Variants in RNF19A observed in about 807,000 individuals in gnomAD.
RNF19A encodes the protein E3 ubiquitin-protein ligase RNF19A.
RNF19A carries 32 observed loss-of-function variants against 75.7 expected under a neutral mutation model. The observed-to-expected ratio is 0.42, with a 90% CI of 0.32 to 0.57. The LOEUF (loss-of-function observed/expected upper bound fraction) is 0.57. Among genes scored for constraint, RNF19A ranks in the 20% least tolerant of loss-of-function variants. RNF19A has a pLI of 0.10. For synonymous variants in RNF19A, 335 were observed against 345.2 expected (o/e 0.97, Z 0.33); for missense variants, 782 against 1,036.3 (o/e 0.75, Z 3.37).
chr8:100,329,931 CA>C lies in RNF19A; in HGVS notation c.-243+6176del, dbSNP rs1306833597. ...ACAAATGAAAAATTTAAATACTTTC[CA>C]AAATCATGAACTATCTATTACTGAA... On this transcript the variant is annotated intron_variant, in intron 1 of 3. Transcript: ENST00000519527. The surrounding 1 kb of genome is among the most constrained non-coding windows in gnomAD (Gnocchi z 4.3). 5.9e-5 allele frequency among the ~76,000 whole-genome samples: 9 copies of C among 152,128 alleles called. No individual in the cohort carries two copies. Among genetic ancestry groups the C allele is most frequent in the African/African-American group, 1.4e-4 (6 of 41,412 alleles).
Position 100,264,594 on chromosome 8 carries a change from CAATT to C in RNF19A, c.1306+73_1306+76del. 1 of 955,910 alleles carries C rather than the reference CAATT, an allele frequency of 1.0e-6. No individual in the cohort carries two copies. Among genetic ancestry groups the C allele is most frequent in the South Asian group, 1.5e-5 (1 of 68,242 alleles). 59.2% of individuals were successfully genotyped at this position (955,910 alleles called of 1,614,324 possible). A position where few individuals can be genotyped will look rare whatever the true frequency, so the allele number is the denominator to read the frequency against. On this transcript the variant is annotated intron_variant, in intron 6 of 9. Transcript: ENST00000341084. This position sits in a 1 kb window ranked among gnomAD's most constrained non-coding sequence, Gnocchi z 4.7. The stretch of plus-strand genomic sequence containing the variant: ...TTTAAATTGTCCTCAAATTAAAAAA[CAATT>C]AAAAAAAATCCTTCCACAAAACTTT...
chr8:100,326,644 C>A (rs1187991536), intron 1 of RNF19A, among the ~76,000 whole-genome samples: 3 of 152,180 alleles, frequency 2.0e-5, no homozygotes, highest in Non-Finnish European at 4.4e-5. Context: ...TCTCTCCCTG[C>A]CTTCCCTTCA....
chr8:100,272,552 T>A (rs987254184), intron 3 of RNF19A, among the ~76,000 whole-genome samples: 7 of 151,742 alleles, frequency 4.6e-5, no homozygotes, highest in Non-Finnish European at 8.8e-5. Context: ...TTTTTTTTTT[T>A]AAATTAATAG....
At position 100,309,900 on chromosome 8, in the gene RNF19A, G is replaced by C; in HGVS notation, c.-127C>G. ...CCTCAGAGCGGCGGCAGCGCAGGGT[G>C]GCGGGCGAGTAGGCCCATCTCCCAG... On this transcript the variant is annotated 5_prime_UTR_variant, in exon 1 of 10. Coordinates refer to ENST00000341084, the MANE Select transcript of RNF19A (RefSeq NM_183419.4). 2.0e-6 allele frequency: 2 copies of C among 985,752 alleles called. No individual in the cohort carries two copies. The highest frequency in any genetic ancestry group is 2.4e-6 in the Non-Finnish European group (2 of 830,180). 61.1% of individuals were successfully genotyped at this position (985,752 alleles called of 1,614,324 possible).
chr8:100,312,837 G>A (rs1822321224), upstream of RNF19A, among the ~76,000 whole-genome samples: 2 of 152,040 alleles, frequency 1.3e-5, no homozygotes, highest in Non-Finnish European at 2.9e-5. Flanking sequence ...GGCATGAGTC[G>A]CTTGAACCTG....
At chr8:100,267,165 A>G (rs1820023031) in intron 5 of RNF19A, among the ~76,000 whole-genome samples, 2 of 152,160 alleles carry the variant, frequency 1.3e-5, no homozygotes, top group Admixed American at 1.3e-4. Flanking sequence ...AGCTACTGAA[A>G]CTTAATCATG....
In RNF19A at chr8:100,258,377, T is replaced by G. The variant is rs1268650585; in HGVS notation, c.*179A>C. 3.6e-6 allele frequency: 2 copies of G among 549,226 alleles called. No homozygotes were observed. Among genetic ancestry groups the G allele is most frequent in the Admixed American group, 7.1e-5 (2 of 28,018 alleles). The allele number at this position is 549,226 out of a possible 1,614,324, so 34.0% of individuals were successfully genotyped here. A position where few individuals can be genotyped will look rare whatever the true frequency, so the allele number is the denominator to read the frequency against. ...ATGCACTTTTAAAGCCTTCACTTCA[T>G]AGTTTGGTAACTAAGATCCACATGA... On this transcript the variant is annotated 3_prime_UTR_variant, in exon 10 of 10. Coordinates refer to ENST00000341084, the MANE Select transcript of RNF19A (RefSeq NM_183419.4). This position sits in a 1 kb window ranked among gnomAD's most constrained non-coding sequence, Gnocchi z 4.3.
At position 100,270,118 on chromosome 8, in the gene RNF19A, T is replaced by C. The variant is rs1417646549; in HGVS notation, c.884-105A>G. The stretch of plus-strand genomic sequence containing the variant: ...CTGTCAAAAAATCTTAAGATGTAGT[T>C]TGTTAACTTATAGCTTCAGCCTGCT... On this transcript the variant is annotated intron_variant, in intron 3 of 9. Transcript: ENST00000341084. 3.1e-6 allele frequency: 3 copies of C among 970,348 alleles called. No individual in the cohort carries two copies. In the African/African-American group the frequency reaches 5.1e-5, roughly 16 times the overall value. 60.1% of individuals were successfully genotyped at this position (970,348 alleles called of 1,614,324 possible). A position where few individuals can be genotyped will look rare whatever the true frequency, so the allele number is the denominator to read the frequency against.
At chr8:100,288,874 C>T (rs1821156647) in intron 1 of RNF19A, among the ~76,000 whole-genome samples, 1 of 152,010 alleles carries the variant, frequency 6.6e-6, no homozygotes, top group South Asian at 2.1e-4. Context: ...TCCTGGATAA[C>T]ACAGTGAAAC....
chr8:100,327,512 A>G (rs1340284658), intron 1 of RNF19A, among the ~76,000 whole-genome samples: 2 of 152,064 alleles, frequency 1.3e-5, no homozygotes, highest in Non-Finnish European at 2.9e-5. Flanking sequence ...CGGCCTCCCA[A>G]ACTGCTGGGA....
At position 100,331,298 on chromosome 8, in the gene RNF19A, T is replaced by C. The variant is rs1822607349; in HGVS notation, c.-243+4810A>G. Among the ~76,000 whole-genome samples, 1 of 152,212 alleles carries C rather than the reference T, an allele frequency of 6.6e-6. No homozygotes were observed. Among genetic ancestry groups the C allele is most frequent in the Non-Finnish European group, 1.5e-5 (1 of 68,034 alleles). On this transcript the variant is annotated intron_variant, in intron 1 of 3. Coordinates refer to the RNF19A transcript ENST00000519527. This position sits in a 1 kb window ranked among gnomAD's most constrained non-coding sequence, Gnocchi z 5.2. The stretch of plus-strand genomic sequence containing the variant: ...TAGAAAAGCCATCGTCCTCTTGAGA[T>C]ATTCCCATTGCAACTCCTTTCAAGA...
At chr8:100,285,111 A>G (rs1421540698) in intron 2 of RNF19A, among the ~76,000 whole-genome samples, 1 of 152,154 alleles carries the variant, frequency 6.6e-6, no homozygotes, top group Non-Finnish European at 1.5e-5. Context: ...TCCCTGTACA[A>G]ATCTCCTGGT....
rs58005786 is a variant in RNF19A, at chr8:100,325,766, TAC to T, written c.-243+10340_-243+10341del. 6.6e-6 allele frequency among the ~76,000 whole-genome samples: 1 copy of T among 151,164 alleles called. No homozygotes were observed. The highest frequency in any genetic ancestry group is 6.6e-5 in the Admixed American group (1 of 15,164). ...TATGTATTTATGTGTGAGTATGTATTACACACACACACACACATTTATATCCA... is the reference window on the plus strand; with the variant it reads ...TATGTATTTATGTGTGAGTATGTATTACACACACACACACATTTATATCCA... On this transcript the variant is annotated intron_variant, in intron 1 of 3. Coordinates refer to the RNF19A transcript ENST00000519527. The surrounding 1 kb of genome is among the most constrained non-coding windows in gnomAD (Gnocchi z 4.3).
intron 1 of RNF19A, among the ~76,000 whole-genome samples, chr8:100,305,175 T>G (rs1822014134): frequency 6.6e-6 from 1 of 152,172 alleles, no homozygotes; most frequent in Admixed American, 6.5e-5. Context: ...TCAAATGATC[T>G]GCCTGCCTCA....
At chr8:100,326,565 C>T (rs1822536386) in intron 1 of RNF19A, among the ~76,000 whole-genome samples, 1 of 152,158 alleles carries the variant, frequency 6.6e-6, no homozygotes, top group African/African-American at 2.4e-5. Flanking sequence ...TCCCCCTTTC[C>T]TGCTTTACTG....
chr8:100,299,411 G>T (rs773043688), intron 1 of RNF19A, among the ~76,000 whole-genome samples: 13 of 152,196 alleles, frequency 8.5e-5, no homozygotes, highest in Admixed American at 2.0e-4. Context: ...GTGTCAAAGT[G>T]AATTTTACCA....
At chr8:100,309,620 G>A (rs1284458599) in intron 1 of RNF19A, 3 of 946,294 alleles carry the variant, frequency 3.2e-6, no homozygotes, top group Non-Finnish European at 3.8e-6. Context: ...CGGCCCGGGA[G>A]ACGCCCGCGC....
intron 1 of RNF19A, among the ~76,000 whole-genome samples, chr8:100,306,779 T>G (rs73282762): frequency 0.029 from 4,371 of 152,226 alleles, 198 homozygotes; most frequent in African/African-American, 0.099. Context: ...AGTAAATGAG[T>G]TGTTTCAATG....
In RNF19A at chr8:100,287,919, C is replaced by G; in HGVS notation, c.256G>C (p.Gly86Arg). 1.2e-6 allele frequency: 2 copies of G among 1,614,214 alleles called. No homozygotes were observed. The highest frequency in any genetic ancestry group is 1.7e-6 in the Non-Finnish European group (2 of 1,180,040). The change falls in exon 2 of 10, where the codon GGC becomes CGC. Residue 86 changes from glycine (G) to arginine (R), a missense_variant. Physicochemically the swap from Gly to Arg is moderately radical, Grantham distance 125. Around this residue, in one of 7 missense-constraint regions of RNF19A, gnomAD observed 148 missense variants for 147.9 expected, o/e 1.00. Coordinates refer to ENST00000341084, the MANE Select transcript of RNF19A (RefSeq NM_183419.4). The surrounding 1 kb of genome is among the most constrained non-coding windows in gnomAD (Gnocchi z 4.1). The part of the protein sequence containing the change: ...DNKRKSRELN[G>R]GVDGIASIES... ...ATACTTGCAATTCCATCCACCCCGC[C>G]ATTTAGCTCCCTTGATTTACGTTTG...
Sources: gnomAD v4.1 joint callset for allele counts (sites outside exome capture counted in the v4.1 genomes callset) on GRCh38, gnomAD v4.1.1 for gene constraint, gnomAD v4.1.1 regional missense constraint, Gnocchi (gnomAD v3.1) non-coding constraint, MANE v1.5 for transcripts, NCBI Gene and HGNC (gene_info 2026-07-23, HGNC 2026-07-21) for gene names.